Variants in SYT1 observed in about 807,000 individuals in gnomAD.
SYT1 encodes the protein synaptotagmin 1.
A neutral mutation model predicts 44.8 loss-of-function variants in SYT1; 8 were observed. The ratio of observed to expected loss-of-function variants is 0.18; its 90% CI spans 0.10 to 0.32. SYT1 has a LOEUF of 0.32. SYT1 is among the 10% of genes least tolerant of loss of function. The probability of loss-of-function intolerance (pLI) is 1.00; values close to 1 mark genes in which losing one functional copy is unlikely to be tolerated. For missense variants in SYT1, 286 were observed against 509.3 expected, an observed-to-expected ratio of 0.56 and a Z score of 4.22; for synonymous variants, 154 against 188.8, an observed-to-expected ratio of 0.82 and a Z score of 1.51.
chr12:79,113,481 A>G (rs1036814412), intron 3 of SYT1, among the ~76,000 whole-genome samples: 3 of 152,142 alleles, frequency 2.0e-5, no homozygotes, highest in African/African-American at 7.2e-5. Flanking sequence ...TCTAGAAAAA[A>G]TTATATTGTC....
intron 3 of SYT1, among the ~76,000 whole-genome samples, chr12:79,062,370 A>T (rs933325156): frequency 6.6e-6 from 1 of 152,140 alleles, no homozygotes; most frequent in African/African-American, 2.4e-5. Context: ...TTCTGTTACA[A>T]ATAACTTGCA....
Position 79,070,074 on chromosome 12 carries a change from C to T in SYT1, c.-18+22712C>T, listed in dbSNP as rs190408604. On this transcript the variant is annotated intron_variant, in intron 3 of 10. Coordinates refer to ENST00000261205, the MANE Select transcript of SYT1 (RefSeq NM_005639.3). ...AAGGTGTCATAGGTAAATAATAATG[C>T]TTCTATTATAACCAAAGCCTATTCT... Among the ~76,000 whole-genome samples, 16 of 151,998 alleles carry T rather than the reference C, an allele frequency of 1.1e-4. No individual in the cohort carries two copies. The East Asian group carries it at 2.1e-3, about 20-fold the overall frequency.
At chr12:79,039,702 A>C (rs545577452) in intron 2 of SYT1, among the ~76,000 whole-genome samples, 96 of 150,294 alleles carry the variant, frequency 6.4e-4, no homozygotes, top group Non-Finnish European at 1.1e-3. Flanking sequence ...TACATGTGCC[A>C]TGCTGGTGCG....
intron 2 of SYT1, among the ~76,000 whole-genome samples, chr12:78,982,994 T>C (rs1278610484): frequency 6.6e-6 from 1 of 152,108 alleles, no homozygotes; most frequent in Non-Finnish European, 1.5e-5. Flanking sequence ...GGTAGACTAT[T>C]AACAAGGAAC....
chr12:79,439,590 A>G (rs1363711717), intron 9 of SYT1, among the ~76,000 whole-genome samples: 1 of 152,204 alleles, frequency 6.6e-6, no homozygotes, highest in African/African-American at 2.4e-5. Flanking sequence ...GCTGACTTAG[A>G]TGTTAGCCCT....
intron 8 of SYT1, among the ~76,000 whole-genome samples, chr12:79,350,546 C>T (rs1037275149): frequency 1.3e-5 from 2 of 152,110 alleles, no homozygotes; most frequent in Non-Finnish European, 2.9e-5. Context: ...GCCACCGCGC[C>T]CGGCCCTCAG....
intron 9 of SYT1, among the ~76,000 whole-genome samples, chr12:79,380,629 C>A (rs536929925): frequency 1.3e-5 from 2 of 152,206 alleles, no homozygotes; most frequent in African/African-American, 4.8e-5. Context: ...CTCAAGCAAT[C>A]CTTCCACCTC....
intron 6 of SYT1, among the ~76,000 whole-genome samples, chr12:79,295,164 T>C (rs1879820592): frequency 6.6e-6 from 1 of 152,132 alleles, no homozygotes; most frequent in Admixed American, 6.5e-5. Flanking sequence ...ACAGTAAGAG[T>C]CTGCTTTGTT....
At chr12:79,120,785 C>T (rs899303154) in intron 3 of SYT1, among the ~76,000 whole-genome samples, 3 of 152,054 alleles carry the variant, frequency 2.0e-5, no homozygotes, top group East Asian at 3.8e-4. Flanking sequence ...TGACATCATC[C>T]GATCCAAATT....
intron 2 of SYT1, among the ~76,000 whole-genome samples, chr12:79,002,733 A>T (rs1028637977): frequency 1.2e-4 from 18 of 151,954 alleles, no homozygotes; most frequent in African/African-American, 4.3e-4. Flanking sequence ...TCACTGAGTC[A>T]CTCCATTGGG....
At chr12:79,431,830 A>G (rs892394608) in intron 9 of SYT1, among the ~76,000 whole-genome samples, 1 of 152,184 alleles carries the variant, frequency 6.6e-6, no homozygotes, top group Non-Finnish European at 1.5e-5. Flanking sequence ...GGCATGAGCC[A>G]CCATGACTGG....
At chr12:79,292,986 G>C (rs946526093) in intron 6 of SYT1, among the ~76,000 whole-genome samples, 1 of 151,984 alleles carries the variant, frequency 6.6e-6, no homozygotes, top group African/African-American at 2.4e-5. Flanking sequence ...AGAATTAGGG[G>C]AACAGGCTAA....
In SYT1 at chr12:78,909,112, T is replaced by C. The variant is rs114340562; in HGVS notation, c.-217+44003T>C. On this transcript the variant is annotated intron_variant, in intron 1 of 10. Transcript: ENST00000261205. ...TAATTGGCATTGCACTGAGTAAATA[T>C]ATTACAGTTACTGTTTTTTCTAGCC... Among the ~76,000 whole-genome samples, 979 of 151,976 alleles carry C rather than the reference T, an allele frequency of 6.4e-3. 13 individuals carry two copies. Among genetic ancestry groups the C allele is most frequent in the African/African-American group, 0.022 (928 of 41,508 alleles).
chr12:78,942,846 G>A (rs1341589110), intron 1 of SYT1, among the ~76,000 whole-genome samples: 4 of 152,094 alleles, frequency 2.6e-5, no homozygotes, highest in East Asian at 3.9e-4. Context: ...CTGGGGTCCC[G>A]ACAAGTTGGT....
rs377671986 is a variant in SYT1 at position 78,950,633 on chromosome 12, A to G, written c.-216-27166A>G. Among the ~76,000 whole-genome samples the G allele has an allele frequency of 1.1e-4, 16 of 152,284 alleles. 1 individual carries two copies. The highest frequency in any genetic ancestry group is 5.8e-4 in the East Asian group (3 of 5,184). On this transcript the variant is annotated intron_variant, in intron 1 of 10. Coordinates refer to ENST00000261205, the MANE Select transcript of SYT1 (RefSeq NM_005639.3). The stretch of plus-strand genomic sequence containing the variant: ...ATAATATACGGCAAAACAAATCTTC[A>G]AAATCAGTTGTGTTTGGATGATTCC...
At chr12:78,904,977 C>A (rs1464478234) in intron 1 of SYT1, among the ~76,000 whole-genome samples, 1 of 152,072 alleles carries the variant, frequency 6.6e-6, no homozygotes, top group African/African-American at 2.4e-5. Flanking sequence ...TGTATTTAAT[C>A]ATCTTATAAT....
chr12:79,283,731 T>C (rs911328486), intron 4 of SYT1, among the ~76,000 whole-genome samples: 1 of 152,146 alleles, frequency 6.6e-6, no homozygotes, highest in Non-Finnish European at 1.5e-5. Context: ...ATTTACTTTT[T>C]ATGTAATCTT....
At chr12:79,156,491 G>A (rs943185722) in intron 3 of SYT1, among the ~76,000 whole-genome samples, 26 of 151,888 alleles carry the variant, frequency 1.7e-4, no homozygotes, top group African/African-American at 6.0e-4. Context: ...TTGTTGTTAT[G>A]GAGTCTCGCT....
At chr12:79,041,651 C>T (rs1873584892) in intron 2 of SYT1, among the ~76,000 whole-genome samples, 1 of 152,078 alleles carries the variant, frequency 6.6e-6, no homozygotes. Context: ...GCCAGAACTT[C>T]CAACACTATG....
Sources: gnomAD v4.1 joint callset for allele counts (sites outside exome capture counted in the v4.1 genomes callset) on GRCh38, gnomAD v4.1.1 for gene constraint, MANE v1.5 for transcripts, NCBI Gene and HGNC (gene_info 2026-07-23, HGNC 2026-07-21) for gene names.